The following PALMD variants were observed in gnomAD, a reference collection of about 807,000 sequenced individuals.
PALMD encodes the protein palmdelphin, also known as paralemmin-like protein.
PALMD carries 42 observed loss-of-function variants against 56.2 expected under a neutral mutation model. The ratio of observed to expected loss-of-function variants is 0.75; its 90% CI spans 0.58 to 0.97. PALMD has a LOEUF of 0.97. PALMD is among the 50% of genes least tolerant of loss of function. The pLI is 0.00. For synonymous variants in PALMD, 242 were observed against 222.9 expected (o/e 1.09, Z -0.76); for missense variants, 660 against 643.8 (o/e 1.03, Z -0.27).
At chr1:99,659,931 G>A (rs1652810161) in intron 1 of PALMD, among the ~76,000 whole-genome samples, 1 of 152,178 alleles carries the variant, frequency 6.6e-6, no homozygotes, top group East Asian at 1.9e-4. Context: ...ACTTCGGATG[G>A]CATGCCTCTA....
Position 99,686,783 on chromosome 1 carries a change from T to A in PALMD, c.359T>A (p.Ile120Asn), listed in dbSNP as rs748165851. ...TCAATTGAGCGGACAACAGAAGACA[T>A]TATAAGAGTGAGCATTAACCAATTT... The part of the protein sequence containing the change: ...LKSIERTTED[I>N]IRSVKVEREE... Residue 120 changes from isoleucine (I) to asparagine (N), a missense_variant, in exon 4 of 8, where the codon ATT (isoleucine) becomes AAT (asparagine). By Grantham distance (149) the Ile-to-Asn change is moderately radical (BLOSUM62 -3). Transcript: ENST00000263174. The A allele has an allele frequency of 6.5e-7, 1 of 1,543,996 alleles. No homozygotes were observed. Among genetic ancestry groups the A allele is most frequent in the Non-Finnish European group, 8.9e-7 (1 of 1,120,450 alleles).
At chr1:99,668,922 T>C (rs931656495) in intron 3 of PALMD, 23 of 152,232 alleles carry the variant, frequency 1.5e-4, no homozygotes, top group African/African-American at 5.5e-4. Context: ...ATGGAATTTC[T>C]TGTGTTATAA....
At chr1:99,664,306 A>G (rs1353024015) in intron 2 of PALMD, among the ~76,000 whole-genome samples, 1 of 152,192 alleles carries the variant, frequency 6.6e-6, no homozygotes, top group African/African-American at 2.4e-5. Context: ...GATGGTCAAG[A>G]AGGCACTATT....
At chr1:99,664,092 A>G (rs983777431) in intron 2 of PALMD, among the ~76,000 whole-genome samples, 1 of 152,120 alleles carries the variant, frequency 6.6e-6, no homozygotes, top group African/African-American at 2.4e-5. Context: ...ACCTGGAGCA[A>G]AAGGTTTCAA....
chr1:99,684,651 T>C (rs1228515552), intron 3 of PALMD: 2 of 152,268 alleles, frequency 1.3e-5, no homozygotes, highest in Non-Finnish European at 2.9e-5. Context: ...GCCTCCCATG[T>C]AGCTGAGACC....
At chr1:99,658,652 T>A (rs542098862) in intron 1 of PALMD, among the ~76,000 whole-genome samples, 2 of 151,988 alleles carry the variant, frequency 1.3e-5, no homozygotes, top group Non-Finnish European at 2.9e-5. Flanking sequence ...GCGCCTGTAG[T>A]CCCAGCTACT....
chr1:99,654,137 G>A (rs978148540), intron 1 of PALMD, among the ~76,000 whole-genome samples: 1 of 151,940 alleles, frequency 6.6e-6, no homozygotes, highest in Non-Finnish European at 1.5e-5. Flanking sequence ...TCCACCACTC[G>A]ATCAATCACG....
At chr1:99,677,445 A>G (rs1054050522) in intron 3 of PALMD, among the ~76,000 whole-genome samples, 2 of 152,016 alleles carry the variant, frequency 1.3e-5, no homozygotes, top group East Asian at 1.9e-4. Context: ...GAGAGCATCA[A>G]TGTTACATGA....
At chr1:99,662,717 C>A (rs1416186373) in intron 2 of PALMD, among the ~76,000 whole-genome samples, 2 of 152,112 alleles carry the variant, frequency 1.3e-5, no homozygotes, top group Non-Finnish European at 2.9e-5. Flanking sequence ...CTTAACATCC[C>A]TAGGGAGTGG....
intron 3 of PALMD, chr1:99,669,299 C>A (rs1032400682): frequency 7.9e-5 from 12 of 151,976 alleles, no homozygotes; most frequent in African/African-American, 2.9e-4. Flanking sequence ...TTTATAAACC[C>A]CTCAGTTATT....
intron 7 of PALMD, among the ~76,000 whole-genome samples, chr1:99,692,157 A>G (rs556260923): frequency 2.6e-5 from 4 of 152,218 alleles, no homozygotes; most frequent in Non-Finnish European, 5.9e-5. Flanking sequence ...ATCAGGGGGT[A>G]GTAGTTGGCT....
intron 3 of PALMD, chr1:99,685,902 T>A (rs1653482782): frequency 6.6e-6 from 1 of 152,172 alleles, no homozygotes; most frequent in African/African-American, 2.4e-5. Flanking sequence ...CTGGAGTTCA[T>A]TTGAATCTGA....
At chr1:99,671,754 A>G (rs1213911500) in intron 3 of PALMD, among the ~76,000 whole-genome samples, 3 of 152,200 alleles carry the variant, frequency 2.0e-5, no homozygotes, top group East Asian at 1.9e-4. Flanking sequence ...GCATTGTGCT[A>G]AACATTTCAT....
At chr1:99,677,127 A>G (rs1653234385) in intron 3 of PALMD, among the ~76,000 whole-genome samples, 1 of 152,182 alleles carries the variant, frequency 6.6e-6, no homozygotes, top group African/African-American at 2.4e-5. Flanking sequence ...GCCAGATTTG[A>G]TACATTTTTT....
chr1:99,646,788 A>G (rs1033882896), intron 1 of PALMD, among the ~76,000 whole-genome samples: 3 of 152,244 alleles, frequency 2.0e-5, no homozygotes, highest in African/African-American at 7.2e-5. Flanking sequence ...GAGAAAAAGA[A>G]ATTTTAAAAA....
intron 3 of PALMD, among the ~76,000 whole-genome samples, chr1:99,681,088 T>C (rs1408999395): frequency 7.7e-6 from 1 of 129,972 alleles, no homozygotes; most frequent in Admixed American, 8.4e-5. Context: ...TATATATACA[T>C]ATATGTGTGT....
chr1:99,664,251 T>C (rs565201542), intron 2 of PALMD, among the ~76,000 whole-genome samples: 1 of 152,314 alleles, frequency 6.6e-6, no homozygotes, highest in East Asian at 1.9e-4. Context: ...AGATAAATGA[T>C]AGTTGTTTTA....
chr1:99,681,113 G>GTATATA (rs1387369773), intron 3 of PALMD, among the ~76,000 whole-genome samples: 2 of 138,686 alleles, frequency 1.4e-5, no homozygotes, highest in African/African-American at 6.3e-5. Context: ...ATATGTGTGT[G>GTATATA]TGTGTGTGTG....
chr1:99,661,755 T>C (rs1023697311), intron 1 of PALMD, among the ~76,000 whole-genome samples: 1 of 152,208 alleles, frequency 6.6e-6, no homozygotes, highest in Non-Finnish European at 1.5e-5. Context: ...GAGTTTTGTT[T>C]TACCTGAGCT....
Sources: allele counts gnomAD v4.1 joint callset (sites outside exome capture counted in the v4.1 genomes callset), GRCh38; gene constraint gnomAD v4.1.1; transcripts MANE v1.5; gene names NCBI Gene and HGNC (gene_info 2026-07-23, HGNC 2026-07-21).